MSH3: variants seen among roughly 807,000 people sequenced by gnomAD.
The protein encoded by MSH3 is DNA mismatch repair protein Msh3.
Under a neutral mutation model 123.3 loss-of-function variants are expected in MSH3, and 106 were observed. That is an observed-to-expected ratio of 0.86 (90% CI 0.73 to 1.01). MSH3 has a LOEUF of 1.01. Among genes scored for constraint, MSH3 ranks in the 50% least tolerant of loss-of-function variants. MSH3 has a pLI of 0.00. For missense variants in MSH3, 1,459 were observed against 1,347.6 expected (o/e 1.08, Z -1.29); for synonymous variants, 515 against 481.4 (o/e 1.07, Z -0.91).
At chr5:80,841,028 T>C (rs1396013094) in intron 20 of MSH3, among the ~76,000 whole-genome samples, 1 of 151,272 alleles carries the variant, frequency 6.6e-6, no homozygotes, top group Non-Finnish European at 1.5e-5. Flanking sequence ...TTACATTAGG[T>C]ATATATCCTA....
At chr5:80,847,353 T>A (rs1366807179) in intron 20 of MSH3, among the ~76,000 whole-genome samples, 1 of 144,502 alleles carries the variant, frequency 6.9e-6, no homozygotes, top group Non-Finnish European at 1.5e-5. Context: ...TGCACCTGGC[T>A]GAATATTTTT....
chr5:80,853,181 A>G (rs1199727874), intron 20 of MSH3, among the ~76,000 whole-genome samples: 1 of 152,194 alleles, frequency 6.6e-6, no homozygotes, highest in Non-Finnish European at 1.5e-5. Context: ...CTTCTCTAAG[A>G]AATGCACTGG....
chr5:80,657,774 A>G (rs555340838), intron 2 of MSH3, among the ~76,000 whole-genome samples: 45 of 152,310 alleles, frequency 3.0e-4, no homozygotes, highest in Admixed American at 9.2e-4. Flanking sequence ...TTAGTATGAA[A>G]TAACTACAGG....
Position 80,767,998 on chromosome 5 carries a change from A to C in MSH3, c.1962A>C (p.Ala654=). 1 of 1,613,696 alleles carries C rather than the reference A, an allele frequency of 6.2e-7. No homozygotes were observed. The highest frequency in any genetic ancestry group is 8.5e-7 in the Non-Finnish European group (1 of 1,179,668). Residue 654 remains alanine (A), a synonymous_variant, in exon 14 of 24, where the codon GCA becomes GCC. Transcript: ENST00000265081. ...ATCACCTAAAGTCAGAATTTCAAGC[A>C]ATAATACCTGCTGTTAATTCCCACA... The part of the protein sequence containing the change: ...TLYHLKSEFQ[A]IIPAVNSHIQ...
At chr5:80,782,763 G>C (rs971100070) in intron 17 of MSH3, among the ~76,000 whole-genome samples, 10 of 152,102 alleles carry the variant, frequency 6.6e-5, no homozygotes, top group Non-Finnish European at 1.3e-4. Flanking sequence ...ATTTATTGAG[G>C]TACCAGATGG....
At chr5:80,787,803 C>T (rs1744536250) in intron 18 of MSH3, 131 bp downstream of exon 18, 2 of 694,164 alleles carry the variant, frequency 2.9e-6, no homozygotes, top group Non-Finnish European at 2.6e-6. Context: ...AGCTGAATGT[C>T]ATACATATGT....
intron 8 of MSH3, among the ~76,000 whole-genome samples, chr5:80,696,335 A>G (rs1163599417): frequency 6.6e-6 from 1 of 152,196 alleles, no homozygotes; most frequent in African/African-American, 2.4e-5. Flanking sequence ...ACCAGTGAGA[A>G]TGGAAATCTG....
rs778368057 is a variant in MSH3, at chr5:80,875,904, A to G, written c.*42A>G. On this transcript the variant is annotated 3_prime_UTR_variant, in exon 24 of 24. Transcript: ENST00000265081. ...GTGAACAAAAAATGGAGAATTAAAAATACCAACTGTACAAAATAACTCTCC... is the reference window on the plus strand; with the variant it reads ...GTGAACAAAAAATGGAGAATTAAAAGTACCAACTGTACAAAATAACTCTCC... 1 of 1,209,876 alleles carries G rather than the reference A, an allele frequency of 8.3e-7. No homozygotes were observed. Among genetic ancestry groups the G allele is most frequent in the Admixed American group, 1.7e-5 (1 of 57,896 alleles). 74.9% of individuals were successfully genotyped at this position (1,209,876 alleles called of 1,614,324 possible). A position where few individuals can be genotyped will look rare whatever the true frequency, so the allele number is the denominator to read the frequency against.
At chr5:80,788,428 G>A (rs1041525682) in intron 18 of MSH3, among the ~76,000 whole-genome samples, 4 of 151,926 alleles carry the variant, frequency 2.6e-5, no homozygotes, top group Non-Finnish European at 5.9e-5. Flanking sequence ...GCAAGAGAGT[G>A]AGACTCTGTC....
At chr5:80,744,661 T>A in intron 12 of MSH3, 46 bp downstream of exon 12, 1 of 1,449,036 alleles carries the variant, frequency 6.9e-7, no homozygotes, top group South Asian at 1.2e-5. Flanking sequence ...ATTATAAAAT[T>A]TTGAAATTAA....
intron 12 of MSH3, among the ~76,000 whole-genome samples, chr5:80,749,425 C>T (rs1361927297): frequency 1.3e-5 from 2 of 152,148 alleles, no homozygotes; most frequent in Non-Finnish European, 2.9e-5. Context: ...TGTTTCTCTG[C>T]CTGCTTTTAT....
chr5:80,790,296 G>A (rs577947144), intron 18 of MSH3, among the ~76,000 whole-genome samples: 2 of 152,112 alleles, frequency 1.3e-5, no homozygotes, highest in African/African-American at 4.8e-5. Context: ...ATACTCTACT[G>A]TAAGGGCCTA....
At chr5:80,699,735 T>C (rs961500849) in intron 8 of MSH3, among the ~76,000 whole-genome samples, 1 of 152,178 alleles carries the variant, frequency 6.6e-6, no homozygotes, top group Non-Finnish European at 1.5e-5. Flanking sequence ...CCATTATGTT[T>C]ATTTCTTTAA....
chr5:80,704,535 G>A (rs1261520989), intron 8 of MSH3, among the ~76,000 whole-genome samples: 1 of 152,110 alleles, frequency 6.6e-6, no homozygotes, highest in African/African-American at 2.4e-5. Context: ...TGTTTTCAGA[G>A]GTGCTAGGCT....
intron 1 of MSH3, chr5:80,655,330 A>C: frequency 4.1e-6 from 1 of 242,952 alleles, no homozygotes. Flanking sequence ...GATTTTTTAA[A>C]AAAGTGCTGG....
intron 8 of MSH3, among the ~76,000 whole-genome samples, chr5:80,723,192 A>G (rs1751123542): frequency 6.6e-6 from 1 of 152,160 alleles, no homozygotes; most frequent in African/African-American, 2.4e-5. Context: ...ATTCACAAAG[A>G]AAATCAAAGG....
At chr5:80,682,644 A>G (rs1391236918) in intron 8 of MSH3, among the ~76,000 whole-genome samples, 1 of 152,204 alleles carries the variant, frequency 6.6e-6, no homozygotes, top group Non-Finnish European at 1.5e-5. Context: ...AGATACTTTC[A>G]TACAGGCATA....
chr5:80,702,750 G>A (rs1375546835), intron 8 of MSH3, among the ~76,000 whole-genome samples: 2 of 151,968 alleles, frequency 1.3e-5, no homozygotes, highest in African/African-American at 2.4e-5. Flanking sequence ...AGTGGCTCAC[G>A]CCTGTAATCC....
chr5:80,793,515 A>G (rs921453047), intron 19 of MSH3, among the ~76,000 whole-genome samples: 1 of 152,192 alleles, frequency 6.6e-6, no homozygotes, highest in South Asian at 2.1e-4. Flanking sequence ...GCCTAACCCA[A>G]GGGCAGGGAA....
Sources: allele counts gnomAD v4.1 joint callset (sites outside exome capture counted in the v4.1 genomes callset), GRCh38; gene constraint gnomAD v4.1.1; transcripts MANE v1.5; gene names NCBI Gene and HGNC (gene_info 2026-07-23, HGNC 2026-07-21).